The following RAPGEF6 variants were observed in gnomAD, a reference collection of about 807,000 sequenced individuals.
The protein encoded by RAPGEF6 is PDZ domain containing guanine nucleotide exchange factor (GEF) 2.
In RAPGEF6, 56 loss-of-function variants were observed where a neutral mutation model predicts 171.4. That is an observed-to-expected ratio of 0.33 (90% confidence interval 0.26 to 0.41). The LOEUF is 0.41. RAPGEF6 is among the 10% of genes least tolerant of loss of function. RAPGEF6 has a pLI of 1.00. For missense variants in RAPGEF6, 1,674 were observed against 1,921.4 expected, an observed-to-expected ratio of 0.87 and a Z score of 2.41; for synonymous variants, 692 against 650.1, an observed-to-expected ratio of 1.06 and a Z score of -0.98.
At chr5:131,516,011 T>A in intron 7 of RAPGEF6, among the ~76,000 whole-genome samples, 1 of 150,202 alleles carries the variant, frequency 6.7e-6, no homozygotes, top group Non-Finnish European at 1.5e-5. Flanking sequence ...AGTCAAAAGA[T>A]GATAACAGAT....
At chr5:131,520,012 A>G (rs1361546445) in intron 7 of RAPGEF6, among the ~76,000 whole-genome samples, 1 of 152,212 alleles carries the variant, frequency 6.6e-6, no homozygotes, top group Non-Finnish European at 1.5e-5. Context: ...CTTGTTCTGT[A>G]TACTGTAAAA....
chr5:131,452,793 A>G (rs898084920), intron 21 of RAPGEF6, among the ~76,000 whole-genome samples: 8 of 152,264 alleles, frequency 5.3e-5, no homozygotes, highest in African/African-American at 1.9e-4. Context: ...ACAATAATAC[A>G]GAACTATCCA....
intron 3 of RAPGEF6, among the ~76,000 whole-genome samples, chr5:131,597,091 T>C (rs892538602): frequency 1.3e-5 from 2 of 151,782 alleles, no homozygotes; most frequent in African/African-American, 2.4e-5. Flanking sequence ...TGAAAAGACA[T>C]AAAAATAGCC....
Position 131,425,836 on chromosome 5 carries a change from A to T in RAPGEF6, c.*1430T>A, listed in dbSNP as rs1285973242. On this transcript the variant is annotated 3_prime_UTR_variant, in exon 28 of 28. Coordinates refer to ENST00000509018, the MANE Select transcript of RAPGEF6 (RefSeq NM_016340.6). Reference sequence around the variant, plus strand: ...CATACGGACAGCCATTCAGAAGTAAACCCCTTTTGGCTCCAAGTTGATCTG... The same window carrying T: ...CATACGGACAGCCATTCAGAAGTAATCCCCTTTTGGCTCCAAGTTGATCTG... 7.0e-6 allele frequency: 1 copy of T among 143,374 alleles called. No homozygotes were observed. The highest frequency in any genetic ancestry group is 2.7e-5 in the African/African-American group (1 of 37,534). The allele number at this position is 143,374 out of a possible 1,614,324, so 8.9% of individuals were successfully genotyped here. A position where few individuals can be genotyped will look rare whatever the true frequency, so the allele number is the denominator to read the frequency against.
chr5:131,519,514 T>C (rs1758332039), intron 7 of RAPGEF6, among the ~76,000 whole-genome samples: 1 of 152,092 alleles, frequency 6.6e-6, no homozygotes, highest in Non-Finnish European at 1.5e-5. Context: ...CAATTCTCCT[T>C]ACTCAGCCTC....
chr5:131,564,550 A>G (rs1018892963), intron 4 of RAPGEF6, among the ~76,000 whole-genome samples: 5 of 152,222 alleles, frequency 3.3e-5, no homozygotes, highest in Non-Finnish European at 7.3e-5. Flanking sequence ...AATACCACCT[A>G]AAGAGATGCA....
At chr5:131,615,522 G>A (rs936843377) in intron 1 of RAPGEF6, among the ~76,000 whole-genome samples, 3 of 152,136 alleles carry the variant, frequency 2.0e-5, no homozygotes, top group South Asian at 2.1e-4. Flanking sequence ...GACAGTCTTC[G>A]GCAGTAAAAA....
At chr5:131,462,359 T>C (rs1753997076) in intron 18 of RAPGEF6, among the ~76,000 whole-genome samples, 1 of 152,228 alleles carries the variant, frequency 6.6e-6, no homozygotes, top group South Asian at 2.1e-4. Context: ...TGTCAGATAC[T>C]ATTTTAGGTA....
rs536610479 is a variant in RAPGEF6, at chr5:131,495,004, A to T, written c.1527+549T>A. Among the ~76,000 whole-genome samples the T allele has an allele frequency of 2.0e-5, 3 of 152,286 alleles. No homozygotes were observed. In the South Asian group the frequency reaches 6.2e-4, roughly 32 times the overall value. ...ATAAGAATGTCAATACAGAAATGGA[A>T]GATTTGGGCCAGGCGCCGTGGCTCA... On this transcript the variant is annotated intron_variant, in intron 13 of 27. Transcript: ENST00000509018.
chr5:131,469,050 T>C (rs1580873724), intron 17 of RAPGEF6, among the ~76,000 whole-genome samples: 1 of 152,224 alleles, frequency 6.6e-6, no homozygotes, highest in African/African-American at 2.4e-5. Context: ...ATACTGTAAA[T>C]GTCTACTAAT....
intron 12 of RAPGEF6, among the ~76,000 whole-genome samples, chr5:131,497,118 T>C (rs1756689790): frequency 6.6e-6 from 1 of 152,228 alleles, no homozygotes; most frequent in African/African-American, 2.4e-5. Flanking sequence ...CATATCTCTA[T>C]GATTAATGAT....
intron 24 of RAPGEF6, among the ~76,000 whole-genome samples, chr5:131,438,978 A>G (rs1172630127): frequency 6.6e-6 from 1 of 152,162 alleles, no homozygotes; most frequent in Non-Finnish European, 1.5e-5. Flanking sequence ...GTTGAAGTAC[A>G]GTGGCATGAT....
chr5:131,544,172 C>T (rs1760349628), intron 6 of RAPGEF6, among the ~76,000 whole-genome samples: 2 of 152,106 alleles, frequency 1.3e-5, no homozygotes, highest in Admixed American at 1.3e-4. Flanking sequence ...CATACATTTG[C>T]CATATGACCA....
At chr5:131,507,109 C>T (rs971747642) in intron 9 of RAPGEF6, among the ~76,000 whole-genome samples, 3 of 148,250 alleles carry the variant, frequency 2.0e-5, no homozygotes, top group East Asian at 3.9e-4. Context: ...ACTTAACCAT[C>T]GCTTATCACT....
chr5:131,600,902 G>T (rs1310439903), intron 3 of RAPGEF6, among the ~76,000 whole-genome samples: 1 of 151,820 alleles, frequency 6.6e-6, no homozygotes, highest in Non-Finnish European at 1.5e-5. Flanking sequence ...GACACAAAAG[G>T]CCCTAATCAC....
chr5:131,459,880 C>G (rs899237791), intron 19 of RAPGEF6, among the ~76,000 whole-genome samples: 1 of 152,158 alleles, frequency 6.6e-6, no homozygotes, highest in Non-Finnish European at 1.5e-5. Context: ...TCGCTGTGTA[C>G]TCTTTATCTT....
chr5:131,532,575 T>A (rs1271910248), intron 6 of RAPGEF6, among the ~76,000 whole-genome samples: 1 of 152,172 alleles, frequency 6.6e-6, no homozygotes, highest in Non-Finnish European at 1.5e-5. Context: ...ACTTATTTCA[T>A]TCTGTAGAAC....
At position 131,494,123 on chromosome 5, in the gene RAPGEF6, C is replaced by T. The variant is rs571361263; in HGVS notation, c.1528-1338G>A. ...TTATGCCTCTCAGCTCATTATAATCCTTACAACAATCTCAATGAACTAGGA... is the reference window on the plus strand; with the variant it reads ...TTATGCCTCTCAGCTCATTATAATCTTTACAACAATCTCAATGAACTAGGA... On this transcript the variant is annotated intron_variant, in intron 13 of 27. Transcript: ENST00000509018. 2.0e-5 allele frequency among the ~76,000 whole-genome samples: 3 copies of T among 152,320 alleles called. 1 individual carries two copies. In the South Asian group the frequency reaches 6.2e-4, roughly 32 times the overall value.
intron 5 of RAPGEF6, among the ~76,000 whole-genome samples, chr5:131,550,625 C>A (rs1227896715): frequency 6.6e-6 from 1 of 152,104 alleles, no homozygotes; most frequent in African/African-American, 2.4e-5. Flanking sequence ...GTTATCATAC[C>A]CATTCTGTCT....
Sources: gnomAD v4.1 joint callset for allele counts (sites outside exome capture counted in the v4.1 genomes callset) on GRCh38, gnomAD v4.1.1 for gene constraint, MANE v1.5 for transcripts, NCBI Gene and HGNC (gene_info 2026-07-23, HGNC 2026-07-21) for gene names.